The following MAML2 variants were observed in gnomAD, a reference collection of about 807,000 sequenced individuals.
MAML2 encodes mastermind-like protein 2.
In MAML2, 22 loss-of-function variants were observed where a neutral mutation model predicts 96.1. That is an observed-to-expected ratio of 0.23 (90% CI 0.16 to 0.33). MAML2 has a LOEUF of 0.33. Ranked by LOEUF, MAML2 falls within the 10% of genes least tolerant of loss-of-function variation. The pLI is 1.00. For synonymous variants in MAML2, 561 were observed against 521.3 expected, an observed-to-expected ratio of 1.08 and a Z score of -1.04; for missense variants, 1,367 against 1,392.4, an observed-to-expected ratio of 0.98 and a Z score of 0.29.
chr11:96,287,028 A>G (rs1292419568), intron 1 of MAML2, among the ~76,000 whole-genome samples: 2 of 152,212 alleles, frequency 1.3e-5, no homozygotes, highest in African/African-American at 4.8e-5. Flanking sequence ...AGAGATGAAA[A>G]TAAATTGATA....
chr11:96,016,588 G>A (rs1441515596), intron 2 of MAML2, among the ~76,000 whole-genome samples: 1 of 152,146 alleles, frequency 6.6e-6, no homozygotes, highest in Non-Finnish European at 1.5e-5. Flanking sequence ...GATTCTAGGA[G>A]GAACACTTTT....
intron 1 of MAML2, among the ~76,000 whole-genome samples, chr11:96,143,483 C>T (rs1225182581): frequency 2.0e-5 from 3 of 152,042 alleles, no homozygotes; most frequent in African/African-American, 4.8e-5. Flanking sequence ...TAGTTTTATC[C>T]GAAGCTGCAG....
At chr11:96,233,408 T>C (rs1312322311) in intron 1 of MAML2, among the ~76,000 whole-genome samples, 1 of 152,164 alleles carries the variant, frequency 6.6e-6, no homozygotes, top group Non-Finnish European at 1.5e-5. Context: ...ATTCTTTTTT[T>C]TTTTTTCTTA....
intron 2 of MAML2, among the ~76,000 whole-genome samples, chr11:95,992,727 T>C (rs189073245): frequency 2.0e-5 from 3 of 152,214 alleles, no homozygotes; most frequent in African/African-American, 7.2e-5. Flanking sequence ...CAGAATGATC[T>C]GGGAATCAGC....
chr11:96,055,909 A>G (rs1418003938), intron 2 of MAML2, among the ~76,000 whole-genome samples: 1 of 152,262 alleles, frequency 6.6e-6, no homozygotes, highest in African/African-American at 2.4e-5. Context: ...CAAAAGCAAC[A>G]AAGTGAAAAG....
chr11:96,087,555 C>T (rs1398255863), intron 2 of MAML2, among the ~76,000 whole-genome samples: 3 of 152,186 alleles, frequency 2.0e-5, no homozygotes, highest in East Asian at 1.9e-4. Context: ...TACCATCTCT[C>T]GAGTCTCTAT....
intron 2 of MAML2, among the ~76,000 whole-genome samples, chr11:96,033,432 A>C (rs904066282): frequency 9.2e-5 from 14 of 152,266 alleles, no homozygotes; most frequent in African/African-American, 3.4e-4. Context: ...CAGGAATGCC[A>C]TAAAGAATGT....
intron 2 of MAML2, among the ~76,000 whole-genome samples, chr11:96,059,372 G>T (rs895205179): frequency 5.3e-5 from 8 of 152,140 alleles, no homozygotes; most frequent in Non-Finnish European, 8.8e-5. Flanking sequence ...AATCAATCTG[G>T]ATTGTAGCTC....
At chr11:96,019,437 G>A (rs1233017580) in intron 2 of MAML2, among the ~76,000 whole-genome samples, 1 of 151,924 alleles carries the variant, frequency 6.6e-6, no homozygotes, top group African/African-American at 2.4e-5. Flanking sequence ...TCAACATGGG[G>A]TCCTCTGGGT....
At chr11:96,319,132 C>G (rs750553022) in intron 1 of MAML2, among the ~76,000 whole-genome samples, 8 of 152,192 alleles carry the variant, frequency 5.3e-5, no homozygotes, top group Non-Finnish European at 1.0e-4. Context: ...AACACTCATG[C>G]AGCCTATACG....
At chr11:96,206,073 CT>C (rs879381589) in intron 1 of MAML2, among the ~76,000 whole-genome samples, 4,078 of 139,708 alleles carry the variant, frequency 0.029, 126 homozygotes, top group African/African-American at 0.075. Flanking sequence ...TTGATTGACT[CT>C]TTTTTTTTTT....
chr11:96,215,114 G>A (rs987365344), intron 1 of MAML2, among the ~76,000 whole-genome samples: 2 of 152,242 alleles, frequency 1.3e-5, no homozygotes, highest in African/African-American at 4.8e-5. Flanking sequence ...ACTGCTGCTT[G>A]CAGCTCATGA....
intron 2 of MAML2, among the ~76,000 whole-genome samples, chr11:96,016,710 GT>G (rs1858358108): frequency 6.6e-6 from 1 of 152,164 alleles, no homozygotes; most frequent in Non-Finnish European, 1.5e-5. Flanking sequence ...TCTCATCGTA[GT>G]TTGTGTGGAA....
chr11:96,033,329 C>T (rs1858648790), intron 2 of MAML2, among the ~76,000 whole-genome samples: 1 of 152,146 alleles, frequency 6.6e-6, no homozygotes. Context: ...ATCAGAGTTC[C>T]TTCTCTGTCT....
At chr11:96,088,217 T>A (rs16923049) in intron 2 of MAML2, among the ~76,000 whole-genome samples, 6,611 of 152,268 alleles carry the variant, frequency 0.043, 485 homozygotes, top group African/African-American at 0.15. Flanking sequence ...GGAGGCAATG[T>A]ACAAATTTAT....
intron 1 of MAML2, among the ~76,000 whole-genome samples, chr11:96,318,336 T>C (rs567011007): frequency 8.5e-5 from 13 of 152,302 alleles, no homozygotes; most frequent in Admixed American, 3.3e-4. Context: ...AAGAGACTTA[T>C]GACTAAAATC....
intron 1 of MAML2, among the ~76,000 whole-genome samples, chr11:96,227,024 A>G (rs959876741): frequency 2.6e-5 from 4 of 152,242 alleles, no homozygotes; most frequent in Non-Finnish European, 5.9e-5. Flanking sequence ...TAGCTACACT[A>G]TGCCTCAATA....
At chr11:96,242,580 T>C (rs12225490) in intron 1 of MAML2, among the ~76,000 whole-genome samples, 59,383 of 151,780 alleles carry the variant, frequency 0.39, 13,056 homozygotes, top group East Asian at 0.53. Flanking sequence ...AACTTTAGTT[T>C]CTGCAGGCTG....
rs1387708527 is a variant in MAML2 at position 96,054,905 on chromosome 11, T to C, written c.2139+36987A>G. Reference sequence around the variant, plus strand: ...TTAAATATTTCTATTGTAGACAGTATAGTAGGGAGATTTCACTCTACCTGG... The same window carrying C: ...TTAAATATTTCTATTGTAGACAGTACAGTAGGGAGATTTCACTCTACCTGG... On this transcript the variant is annotated intron_variant, in intron 2 of 4. Transcript: ENST00000524717. Among the ~76,000 whole-genome samples the C allele has an allele frequency of 2.0e-5, 3 of 152,218 alleles. No individual in the cohort carries two copies. In the East Asian group the frequency reaches 5.8e-4, roughly 29 times the overall value.
Sources: gnomAD v4.1 joint callset for allele counts (sites outside exome capture counted in the v4.1 genomes callset) on GRCh38, gnomAD v4.1.1 for gene constraint, MANE v1.5 for transcripts, NCBI Gene and HGNC (gene_info 2026-07-23, HGNC 2026-07-21) for gene names.